Variants in NTPCR observed in about 807,000 individuals in gnomAD.
NTPCR encodes cancer-related nucleoside-triphosphatase.
NTPCR carries 15 observed loss-of-function variants against 19.5 expected under a neutral mutation model. The observed-to-expected ratio is 0.77, with a 90% CI of 0.51 to 1.18. The LOEUF (loss-of-function observed/expected upper bound fraction) is 1.18. Ranked by LOEUF, NTPCR falls within the 50% of genes most tolerant of loss-of-function variation. NTPCR has a pLI of 0.00. For missense variants in NTPCR, 206 were observed against 240.4 expected, an observed-to-expected ratio of 0.86 and a Z score of 0.95; for synonymous variants, 90 against 95.8, an observed-to-expected ratio of 0.94 and a Z score of 0.36.
Position 232,950,683 on chromosome 1 carries a change from A to G in NTPCR, c.-28A>G, listed in dbSNP as rs758192601. On this transcript the variant is annotated 5_prime_UTR_variant, in exon 1 of 5. Transcript: ENST00000366628. ...GACCCCAACCTGGACTGCTCCCCTG[A>G]CCGCAACCCCTACCCCCGCCCACCA... The G allele has an allele frequency of 1.2e-6, 2 of 1,601,968 alleles. No individual in the cohort carries two copies. The highest frequency in any genetic ancestry group is 3.3e-5 in the Admixed American group (2 of 59,786).
chr1:232,967,824 C>T (rs560438729), intron 3 of NTPCR: 17 of 152,284 alleles, frequency 1.1e-4, no homozygotes, highest in African/African-American at 3.9e-4. Context: ...AATTACTCTT[C>T]GTCTCTGGGG....
At position 232,976,382 on chromosome 1, in the gene NTPCR, G is replaced by T. The variant is rs765144513; in HGVS notation, c.505-1781G>T. 5 of 1,549,448 alleles carry T rather than the reference G, an allele frequency of 3.2e-6. No homozygotes were observed. The Middle Eastern group carries it at 5.0e-4, about 155-fold the overall frequency. ...ATAGAAGACCAGAGCAAATTCTCCAGCTGTGTATCACAGTCCACTCTCACA... is the reference window on the plus strand; with the variant it reads ...ATAGAAGACCAGAGCAAATTCTCCATCTGTGTATCACAGTCCACTCTCACA... On this transcript the variant is annotated intron_variant, in intron 4 of 4. Transcript: ENST00000366628.
chr1:232,969,350 A>C (rs1467091839), intron 3 of NTPCR: 1 of 154,854 alleles, frequency 6.5e-6, no homozygotes, highest in Non-Finnish European at 1.4e-5. Context: ...AATAAGTGGC[A>C]CCCAAATACC....
At chr1:232,963,859 G>GTT (rs1424637744) in intron 3 of NTPCR, 4 of 151,898 alleles carry the variant, frequency 2.6e-5, no homozygotes, top group African/African-American at 9.7e-5. Context: ...GTGTGTGTGT[G>GTT]TGTGTGTGTT....
At chr1:232,956,528 G>T (rs1161860526) in intron 3 of NTPCR, 85 bp downstream of exon 3, 3 of 874,026 alleles carry the variant, frequency 3.4e-6, no homozygotes, top group African/African-American at 3.3e-5. Context: ...AATGCCTTTT[G>T]CTCTTAAAGG....
intron 3 of NTPCR, chr1:232,963,869 T>TGTGTGTGTGTG (rs1668738278): frequency 7.1e-6 from 1 of 140,180 alleles, no homozygotes; most frequent in Admixed American, 7.4e-5. Flanking sequence ...GTGTGTGTGT[T>TGTGTGTGTGTG]TGTGTGTGTG....
intron 1 of NTPCR, among the ~76,000 whole-genome samples, chr1:232,954,872 G>C (rs1474237625): frequency 2.0e-5 from 3 of 152,112 alleles, no homozygotes; most frequent in Non-Finnish European, 4.4e-5. Flanking sequence ...GGAGGCTGAG[G>C]GGGCAGAGGT....
chr1:232,957,071 C>T (rs564019505), intron 3 of NTPCR, among the ~76,000 whole-genome samples: 102 of 152,290 alleles, frequency 6.7e-4, no homozygotes, highest in African/African-American at 2.3e-3. Context: ...ATGATGTTAA[C>T]TGTGTCTTAT....
intron 3 of NTPCR, 130 bp downstream of exon 3, chr1:232,956,573 G>A (rs1390426602): frequency 1.5e-6 from 1 of 651,362 alleles, no homozygotes; most frequent in Non-Finnish European, 2.8e-6. Flanking sequence ...AAAAGATTGA[G>A]TCTTAATAAG....
chr1:232,977,388 A>G (rs938649107), intron 4 of NTPCR: 2 of 152,144 alleles, frequency 1.3e-5, no homozygotes, highest in Non-Finnish European at 1.5e-5. Flanking sequence ...CTTCCACCCC[A>G]TCAGCGTGTG....
At position 232,983,377 on chromosome 1, in the gene NTPCR, A is replaced by AAGAT. The variant is rs1209850511; in HGVS notation, c.*5148_*5151dup. On this transcript the variant is annotated 3_prime_UTR_variant, in exon 5 of 5. Coordinates refer to ENST00000366628, the MANE Select transcript of NTPCR (RefSeq NM_032324.3). ...TACCCAAATGTCGTTCTCACCATAA[A>AAGAT]AGATATACTTGTAGAAATGAGAAGC... is the stretch of plus-strand genomic sequence containing the variant. 1 of 152,220 alleles carries AAGAT rather than the reference A, an allele frequency of 6.6e-6. No individual in the cohort carries two copies. The highest frequency in any genetic ancestry group is 2.4e-5 in the African/African-American group (1 of 41,456). The allele number at this position is 152,220 out of a possible 1,614,324, so 9.4% of individuals were successfully genotyped here. A position where few individuals can be genotyped will look rare whatever the true frequency, so the allele number is the denominator to read the frequency against.
chr1:232,951,667 T>C (rs994105714), intron 1 of NTPCR, among the ~76,000 whole-genome samples: 1 of 152,224 alleles, frequency 6.6e-6, no homozygotes, highest in African/African-American at 2.4e-5. Context: ...TCTAGAATTC[T>C]CTTTCACTTT....
intron 3 of NTPCR, chr1:232,964,765 A>G (rs941145803): frequency 6.6e-6 from 1 of 152,226 alleles, no homozygotes; most frequent in Non-Finnish European, 1.5e-5. Flanking sequence ...CCATTTTATT[A>G]TAGGAAAAAC....
intron 3 of NTPCR, among the ~76,000 whole-genome samples, chr1:232,960,213 CAAAAAAAAAAAA>C (rs755184503): frequency 2.5e-4 from 7 of 27,488 alleles, no homozygotes; most frequent in Admixed American, 1.9e-3. Context: ...GACTCCATCT[CAAAAAAAAAAAA>C]AAAAAAAAAA....
At chr1:232,966,832 G>A (rs996721852) in intron 3 of NTPCR, 2 of 152,376 alleles carry the variant, frequency 1.3e-5, no homozygotes, top group Non-Finnish European at 2.9e-5. Context: ...GGACTGAGGT[G>A]TGGCACTAGG....
intron 1 of NTPCR, among the ~76,000 whole-genome samples, chr1:232,953,358 C>G (rs756480119): frequency 6.6e-6 from 1 of 152,180 alleles, no homozygotes; most frequent in African/African-American, 2.4e-5. Flanking sequence ...CTTATCCAGA[C>G]AGCATTGGGG....
chr1:232,962,876 G>C (rs1453061615), intron 3 of NTPCR: 1 of 152,196 alleles, frequency 6.6e-6, no homozygotes, highest in Non-Finnish European at 1.5e-5. Flanking sequence ...GAAGGTGAGA[G>C]GACTCCTGTC....
chr1:232,974,568 G>A (rs1669074998), intron 4 of NTPCR, among the ~76,000 whole-genome samples: 1 of 152,200 alleles, frequency 6.6e-6, no homozygotes, highest in South Asian at 2.1e-4. Flanking sequence ...CAGTACCTGA[G>A]AAGGAAAATA....
At chr1:232,976,447 A>T in intron 4 of NTPCR, 1 of 1,550,618 alleles carries the variant, frequency 6.4e-7, no homozygotes, top group Middle Eastern at 1.7e-4. Context: ...ATCACTGCTG[A>T]ACTCAGAGTG....
Sources: allele counts gnomAD v4.1 joint callset (sites outside exome capture counted in the v4.1 genomes callset), GRCh38; gene constraint gnomAD v4.1.1; transcripts MANE v1.5; gene names NCBI Gene and HGNC (gene_info 2026-07-23, HGNC 2026-07-21).